Variants in FA2H observed in about 807,000 individuals in gnomAD.
The protein encoded by FA2H is fatty acid 2-hydroxylase.
A neutral mutation model predicts 44.9 loss-of-function variants in FA2H; 22 were observed. The observed-to-expected ratio is 0.49, with a 90% CI of 0.35 to 0.70. The LOEUF (loss-of-function observed/expected upper bound fraction) is 0.70. Among genes scored for constraint, FA2H ranks in the 30% least tolerant of loss-of-function variants. The pLI is 0.01. For synonymous variants in FA2H, 243 were observed against 213.2 expected, an observed-to-expected ratio of 1.14 and a Z score of -1.22; for missense variants, 501 against 504.9, an observed-to-expected ratio of 0.99 and a Z score of 0.07.
intron 1 of FA2H, among the ~76,000 whole-genome samples, chr16:74,764,871 T>C (rs1211203716): frequency 6.6e-6 from 1 of 152,050 alleles, no homozygotes; most frequent in Non-Finnish European, 1.5e-5. Context: ...TACCTATGAG[T>C]GTCACCCAGG....
intron 4 of FA2H, among the ~76,000 whole-genome samples, chr16:74,723,468 G>A (rs1961883264): frequency 1.3e-5 from 2 of 152,116 alleles, no homozygotes; most frequent in South Asian, 4.1e-4. Context: ...AGCTCCATGT[G>A]GTTGTCCACA....
intron 2 of FA2H, among the ~76,000 whole-genome samples, chr16:74,739,441 C>T (rs553828554): frequency 6.6e-6 from 1 of 152,292 alleles, no homozygotes; most frequent in African/African-American, 2.4e-5. Context: ...GACCGCTCAG[C>T]TCCTCCAGGG....
At chr16:74,725,043 T>C (rs574692063) in intron 4 of FA2H, among the ~76,000 whole-genome samples, 2 of 152,124 alleles carry the variant, frequency 1.3e-5, no homozygotes, top group Non-Finnish European at 2.9e-5. Context: ...GAGCAGGCCT[T>C]CTGAGCAACA....
At chr16:74,739,693 T>C (rs1962253948) in intron 2 of FA2H, among the ~76,000 whole-genome samples, 1 of 152,202 alleles carries the variant, frequency 6.6e-6, no homozygotes, top group Admixed American at 6.5e-5. Flanking sequence ...AATGGGCATG[T>C]CTGGGCCTGC....
intron 5 of FA2H, 72 bp from the exon 6 acceptor site, chr16:74,716,671 C>CT: frequency 6.7e-7 from 1 of 1,482,956 alleles, no homozygotes; most frequent in Non-Finnish European, 9.0e-7. Context: ...CTGGCCACTC[C>CT]CTGCAGAGGA....
intron 2 of FA2H, among the ~76,000 whole-genome samples, chr16:74,732,323 C>T (rs1031194758): frequency 6.6e-6 from 1 of 152,218 alleles, no homozygotes; most frequent in African/African-American, 2.4e-5. Flanking sequence ...AGGGATGTGG[C>T]CAGGGGGCCC....
intron 1 of FA2H, among the ~76,000 whole-genome samples, chr16:74,743,953 T>A (rs1962365037): frequency 6.6e-6 from 1 of 152,156 alleles, no homozygotes; most frequent in African/African-American, 2.4e-5. Context: ...GCATTGTTCA[T>A]TAATCGATTT....
intron 1 of FA2H, among the ~76,000 whole-genome samples, chr16:74,743,521 G>A (rs972151861): frequency 6.6e-6 from 1 of 152,162 alleles, no homozygotes; most frequent in Admixed American, 6.5e-5. Flanking sequence ...TCCATCCCCC[G>A]CACAGAGGGG....
intron 1 of FA2H, among the ~76,000 whole-genome samples, chr16:74,755,977 G>A (rs915468726): frequency 6.6e-6 from 1 of 152,164 alleles, no homozygotes; most frequent in Non-Finnish European, 1.5e-5. Flanking sequence ...TCCCCAGAAA[G>A]TCCCAGGAAT....
chr16:74,730,167 G>A (rs936164996), intron 2 of FA2H, among the ~76,000 whole-genome samples: 6 of 152,160 alleles, frequency 3.9e-5, no homozygotes, highest in Admixed American at 2.0e-4. Flanking sequence ...GGGAGCAGGG[G>A]GGTGGGGGTC....
At position 74,767,257 on chromosome 16, in the gene FA2H, C is replaced by T. The variant is rs190308812; in HGVS notation, c.270+7229G>A. On this transcript the variant is annotated intron_variant, in intron 1 of 6. Coordinates refer to ENST00000219368, the MANE Select transcript of FA2H (RefSeq NM_024306.5). ...CTGGGAGGCGGAGGTTGCAGTGAGC[C>T]GAGATTGTGCCATTGCACTCTAGCC... 1.8e-3 allele frequency among the ~76,000 whole-genome samples: 271 copies of T among 151,940 alleles called. 2 individuals carry two copies. Among genetic ancestry groups the T allele is most frequent in the African/African-American group, 6.1e-3 (251 of 41,430 alleles).
At chr16:74,722,492 C>T (rs1330734151) in intron 4 of FA2H, among the ~76,000 whole-genome samples, 1 of 152,078 alleles carries the variant, frequency 6.6e-6, no homozygotes, top group Non-Finnish European at 1.5e-5. Context: ...GCTGTGATTG[C>T]ACCATTGCAC....
intron 1 of FA2H, among the ~76,000 whole-genome samples, chr16:74,741,834 G>GTGTGTATGTGTGTGTATGTGTGTA (rs1962314617): frequency 5.4e-5 from 4 of 74,652 alleles, no homozygotes; most frequent in Non-Finnish European, 1.2e-4. Flanking sequence ...GTGTGTGTGT[G>GTGTGTATGTGTGTGTATGTGTGTA]TGTATGTGTG....
At chr16:74,732,147 G>C (rs1257683875) in intron 2 of FA2H, among the ~76,000 whole-genome samples, 1 of 152,168 alleles carries the variant, frequency 6.6e-6, no homozygotes, top group Admixed American at 6.5e-5. Context: ...GCCTCCCAAA[G>C]TGCTGGGCTT....
At chr16:74,728,601 C>T (rs1248340779) in intron 2 of FA2H, among the ~76,000 whole-genome samples, 1 of 152,076 alleles carries the variant, frequency 6.6e-6, no homozygotes, top group African/African-American at 2.4e-5. Flanking sequence ...TGATAGAACA[C>T]CCTGTACCAC....
At position 74,719,049 on chromosome 16, in the gene FA2H, G is replaced by A. The variant is rs758016356; in HGVS notation, c.725C>T (p.Pro242Leu). 4 of 1,614,018 alleles carry A rather than the reference G, an allele frequency of 2.5e-6. No individual in the cohort carries two copies. In the South Asian group the frequency reaches 4.4e-5, roughly 18 times the overall value. Residue 242 changes from proline (P) to leucine (L), a missense_variant, in exon 5 of 7, where the codon CCC (proline) becomes CTC (leucine). By Grantham distance (98) the Pro-to-Leu change is moderately conservative. Coordinates refer to ENST00000219368, the MANE Select transcript of FA2H (RefSeq NM_024306.5). ...GATGAGGTAATAGCTGTCGCTGGGG[G>A]GCTTCATGTGGAACAGGAAGCGGTG... ...LIHRFLFHMK[P>L]PSDSYYLIML...
chr16:74,728,303 T>G (rs1373902601), intron 2 of FA2H, among the ~76,000 whole-genome samples: 1 of 152,270 alleles, frequency 6.6e-6, no homozygotes, highest in Non-Finnish European at 1.5e-5. Context: ...AAGTGCTCAA[T>G]GAGATGTGGC....
intron 5 of FA2H, among the ~76,000 whole-genome samples, chr16:74,718,366 G>A (rs573535704): frequency 5.3e-5 from 8 of 152,140 alleles, no homozygotes; most frequent in African/African-American, 7.2e-5. Context: ...GAGAAGCAGC[G>A]GGGGGTACAG....
intron 4 of FA2H, among the ~76,000 whole-genome samples, chr16:74,725,542 T>A (rs528657890): frequency 6.6e-6 from 1 of 152,338 alleles, no homozygotes; most frequent in East Asian, 1.9e-4. Context: ...GCACCTGGTA[T>A]CCACATCCTA....
Sources: gnomAD v4.1 joint callset for allele counts (sites outside exome capture counted in the v4.1 genomes callset) on GRCh38, gnomAD v4.1.1 for gene constraint, MANE v1.5 for transcripts, NCBI Gene and HGNC (gene_info 2026-07-23, HGNC 2026-07-21) for gene names.